Variants in MTREX observed in about 807,000 individuals in gnomAD.
MTREX encodes the protein exosome RNA helicase MTR4.
Under a neutral mutation model 135.4 loss-of-function variants are expected in MTREX, and 76 were observed. The ratio of observed to expected loss-of-function variants is 0.56; its 90% CI spans 0.47 to 0.68. MTREX has a LOEUF of 0.68. Among genes scored for constraint, MTREX ranks in the 30% least tolerant of loss-of-function variants. The pLI is 0.00. For synonymous variants in MTREX, 404 were observed against 401.6 expected (o/e 1.01, Z -0.07); for missense variants, 920 against 1,262.1 (o/e 0.73, Z 4.11).
intron 3 of MTREX, among the ~76,000 whole-genome samples, chr5:55,326,445 C>G (rs959043624): frequency 6.6e-6 from 1 of 152,012 alleles, no homozygotes; most frequent in Non-Finnish European, 1.5e-5. Flanking sequence ...ACTCTATTCT[C>G]AGGAGGTCAA....
At chr5:55,402,278 G>A (rs913323689) in intron 21 of MTREX, among the ~76,000 whole-genome samples, 3 of 152,170 alleles carry the variant, frequency 2.0e-5, no homozygotes, top group African/African-American at 7.2e-5. Context: ...AGGAAACTGG[G>A]ACACAACAAA....
chr5:55,340,282 G>A (rs1749623097), intron 6 of MTREX, 98 bp downstream of exon 6: 5 of 885,002 alleles, frequency 5.6e-6, no homozygotes, highest in Non-Finnish European at 8.1e-6. Context: ...GCTCTACTTA[G>A]GTAAAGTATA....
At chr5:55,419,035 T>C (rs1462826465) in intron 25 of MTREX, among the ~76,000 whole-genome samples, 3 of 152,092 alleles carry the variant, frequency 2.0e-5, no homozygotes, top group East Asian at 3.9e-4. Flanking sequence ...TGTAGAGATA[T>C]GATTTTACCA....
chr5:55,364,589 C>T (rs1015910748), intron 15 of MTREX, among the ~76,000 whole-genome samples: 1 of 152,042 alleles, frequency 6.6e-6, no homozygotes, highest in Admixed American at 6.6e-5. Context: ...CATCTGGCAG[C>T]GGCAAGTCAA....
chr5:55,324,567 C>G (rs1749342609), intron 3 of MTREX: 1 of 151,512 alleles, frequency 6.6e-6, no homozygotes, highest in African/African-American at 2.5e-5. Context: ...CCTGCCTCAG[C>G]CTCCTGGGTA....
intron 19 of MTREX, among the ~76,000 whole-genome samples, chr5:55,391,493 TG>T (rs1426600542): frequency 6.6e-6 from 1 of 152,156 alleles, no homozygotes; most frequent in East Asian, 1.9e-4. Context: ...GAGTTGAGCT[TG>T]TTTTATTCCC....
At chr5:55,420,653 GAGTA>G (rs1317696959) in intron 25 of MTREX, among the ~76,000 whole-genome samples, 2 of 152,184 alleles carry the variant, frequency 1.3e-5, no homozygotes, top group Admixed American at 6.5e-5. Context: ...GAAATGTCCA[GAGTA>G]AGCAGATTCA....
chr5:55,351,146 C>A, intron 13 of MTREX, 117 bp downstream of exon 13: 2 of 1,214,440 alleles, frequency 1.6e-6, no homozygotes, highest in Non-Finnish European at 2.1e-6. Flanking sequence ...AATGAAATGA[C>A]TTAAATAATG....
intron 19 of MTREX, among the ~76,000 whole-genome samples, chr5:55,392,179 G>T (rs1454964294): frequency 6.6e-6 from 1 of 152,082 alleles, no homozygotes; most frequent in Non-Finnish European, 1.5e-5. Context: ...GGCCACCAAG[G>T]TCTCTGCTTG....
intron 15 of MTREX, among the ~76,000 whole-genome samples, chr5:55,361,423 T>C (rs1261309555): frequency 6.6e-6 from 1 of 152,252 alleles, no homozygotes; most frequent in Admixed American, 6.5e-5. Flanking sequence ...AAAATCTCAG[T>C]ACATTCATAC....
intron 22 of MTREX, among the ~76,000 whole-genome samples, chr5:55,410,104 C>G (rs1333554303): frequency 6.6e-6 from 1 of 152,034 alleles, no homozygotes; most frequent in East Asian, 1.9e-4. Flanking sequence ...AAATGTGGTT[C>G]TTCTTATGAG....
At chr5:55,330,285 A>G (rs1749453748) in intron 5 of MTREX, among the ~76,000 whole-genome samples, 1 of 151,958 alleles carries the variant, frequency 6.6e-6, no homozygotes, top group South Asian at 2.1e-4. Flanking sequence ...TATGTTGCCT[A>G]CACTGGTCTC....
chr5:55,327,599 TTCA>T, intron 3 of MTREX, 114 bp from the exon 4 acceptor site: 1 of 762,766 alleles, frequency 1.3e-6, no homozygotes, highest in Non-Finnish European at 2.2e-6. Context: ...ACAGCTAAAG[TTCA>T]TCACTCTAGT....
intron 18 of MTREX, among the ~76,000 whole-genome samples, chr5:55,379,451 C>G (rs1235686006): frequency 3.3e-5 from 5 of 152,066 alleles, no homozygotes; most frequent in Non-Finnish European, 2.9e-5. Context: ...TCCCAAAGTG[C>G]TGGGATTACA....
chr5:55,314,181 G>T (rs921635474), intron 1 of MTREX, among the ~76,000 whole-genome samples: 1 of 152,210 alleles, frequency 6.6e-6, no homozygotes, highest in African/African-American at 2.4e-5. Flanking sequence ...AGGTCAAAGA[G>T]TAACTAAGTA....
At chr5:55,402,842 A>ATGTG (rs1456595786) in intron 21 of MTREX, among the ~76,000 whole-genome samples, 1 of 46,844 alleles carries the variant, frequency 2.1e-5, no homozygotes, top group African/African-American at 7.0e-5. Context: ...GTGTGTGTGT[A>ATGTG]TGTGTATGTA....
chr5:55,313,671 G>A (rs952171569), intron 1 of MTREX, among the ~76,000 whole-genome samples: 1 of 152,064 alleles, frequency 6.6e-6, no homozygotes, highest in Non-Finnish European at 1.5e-5. Context: ...ATTTGTTTCA[G>A]TGTATTTACA....
chr5:55,424,925 A>G lies in MTREX; in HGVS notation c.*153A>G. On this transcript the variant is annotated 3_prime_UTR_variant, in exon 27 of 27. Transcript: ENST00000230640. ...ATCATTCATAGAAAGCATATTACAT[A>G]CATGTTTATACATAAGCATTACATT... The G allele has an allele frequency of 3.2e-6, 2 of 632,826 alleles. No individual in the cohort carries two copies. Among genetic ancestry groups the G allele is most frequent in the South Asian group, 4.4e-5 (2 of 45,884 alleles). The allele number at this position is 632,826 out of a possible 1,614,324, so 39.2% of individuals were successfully genotyped here. A position where few individuals can be genotyped will look rare whatever the true frequency, so the allele number is the denominator to read the frequency against.
chr5:55,326,021 G>A (rs1749371970), intron 3 of MTREX, among the ~76,000 whole-genome samples: 1 of 152,152 alleles, frequency 6.6e-6, no homozygotes, highest in African/African-American at 2.4e-5. Context: ...GTAGTACATA[G>A]TGTCTGACAG....
Sources: allele counts gnomAD v4.1 joint callset (sites outside exome capture counted in the v4.1 genomes callset), GRCh38; gene constraint gnomAD v4.1.1; transcripts MANE v1.5; gene names NCBI Gene and HGNC (gene_info 2026-07-23, HGNC 2026-07-21).